MRC1: variants seen among roughly 807,000 people sequenced by gnomAD.
MRC1 encodes the protein mannose receptor C-type 1.
Under a neutral mutation model 102.9 loss-of-function variants are expected in MRC1, and 62 were observed. That is an observed-to-expected ratio of 0.60 (90% CI 0.49 to 0.74). MRC1 has a LOEUF of 0.74. Ranked by LOEUF, MRC1 falls within the 30% of genes least tolerant of loss-of-function variation. MRC1 has a pLI of 0.00. For missense variants in MRC1, 1,237 were observed against 862.8 expected (o/e 1.43, Z -5.43); for synonymous variants, 457 against 298.4 (o/e 1.53, Z -5.48).
chr10:17,885,542 C>G (rs1220323532), intron 22 of MRC1, 107 bp downstream of exon 22: 2 of 710,540 alleles, frequency 2.8e-6, no homozygotes, highest in African/African-American at 3.5e-5. Context: ...ACTCCTTGAT[C>G]TGTTCTATGC....
chr10:17,817,327 A>C (rs1838328966), intron 1 of MRC1, among the ~76,000 whole-genome samples: 1 of 151,646 alleles, frequency 6.6e-6, no homozygotes, highest in African/African-American at 2.4e-5. Context: ...TTAACCTGAG[A>C]TATTGGGTTG....
chr10:17,867,322 T>G (rs1282964963), intron 12 of MRC1, among the ~76,000 whole-genome samples: 3 of 144,996 alleles, frequency 2.1e-5, no homozygotes, highest in Non-Finnish European at 4.5e-5. Context: ...CCTCCTTCCT[T>G]CTTCTTCTTC....
intron 14 of MRC1, among the ~76,000 whole-genome samples, chr10:17,871,479 T>C (rs1357971336): frequency 6.6e-6 from 1 of 152,244 alleles, no homozygotes; most frequent in East Asian, 1.9e-4. Flanking sequence ...CCTCCGTTTG[T>C]TTCTACTGTT....
At chr10:17,875,288 GT>G in intron 17 of MRC1, 35 bp downstream of exon 17, 3 of 778,330 alleles carry the variant, frequency 3.9e-6, no homozygotes, top group South Asian at 1.4e-5. Flanking sequence ...AATTTTAATA[GT>G]TTTTGGGGAA....
Position 17,902,040 on chromosome 10 carries a change from T to C in MRC1, c.3717T>C (p.Ile1239=). 1 of 780,816 alleles carries C rather than the reference T, an allele frequency of 1.3e-6. No homozygotes were observed. 48.4% of individuals were successfully genotyped at this position (780,816 alleles called of 1,614,324 possible). A position where few individuals can be genotyped will look rare whatever the true frequency, so the allele number is the denominator to read the frequency against. Residue 1239 remains isoleucine (I), a synonymous_variant, in exon 26 of 30, where the codon ATT becomes ATC. Transcript: ENST00000569591. ...RCPESDHTAW[I]PFHGHCYYIE... is the part of the protein sequence containing the mutation. The stretch of plus-strand genomic sequence containing the variant: ...CGGAGTCAGATCACACAGCATGGAT[T>C]CCTTTCCATGGTCACTGTTACTATA...
At chr10:17,897,437 T>C (rs1348270955) in intron 23 of MRC1, among the ~76,000 whole-genome samples, 1 of 152,108 alleles carries the variant, frequency 6.6e-6, no homozygotes, top group Non-Finnish European at 1.5e-5. Flanking sequence ...GCTTTACCCA[T>C]AGGCGAAGGG....
chr10:17,882,045 A>G (rs1833528284), intron 21 of MRC1, among the ~76,000 whole-genome samples: 1 of 151,982 alleles, frequency 6.6e-6, no homozygotes, highest in African/African-American at 2.4e-5. Context: ...AGCAGATGGT[A>G]AAATTCATGA....
At chr10:17,834,693 C>T (rs1838636174) in intron 4 of MRC1, among the ~76,000 whole-genome samples, 1 of 152,130 alleles carries the variant, frequency 6.6e-6, no homozygotes, top group African/African-American at 2.4e-5. Context: ...GGATTACAGG[C>T]GTGAGCCACC....
chr10:17,878,759 T>G (rs1309081895), intron 18 of MRC1, among the ~76,000 whole-genome samples: 4 of 151,964 alleles, frequency 2.6e-5, no homozygotes, highest in African/African-American at 9.7e-5. Flanking sequence ...AAATCCTGGG[T>G]TCAAGCAATC....
At chr10:17,881,664 A>C (rs1833519091) in intron 21 of MRC1, among the ~76,000 whole-genome samples, 1 of 116,730 alleles carries the variant, frequency 8.6e-6, no homozygotes, top group Non-Finnish European at 1.7e-5. Flanking sequence ...CTTTGAACAA[A>C]TTTTGATTTT....
chr10:17,809,458 C>G lies in MRC1; in HGVS notation c.-8C>G, dbSNP rs2130561903. On this transcript the variant is annotated 5_prime_UTR_variant, in exon 1 of 30. Transcript: ENST00000569591. The stretch of plus-strand genomic sequence containing the variant: ...CCATCAGGAGAAGGAAAGGATAAAC[C>G]CTGGGCCATGAGGCTACCCCTGCTC... 2 of 872,678 alleles carry G rather than the reference C, an allele frequency of 2.3e-6. No homozygotes were observed. Among genetic ancestry groups the G allele is most frequent in the Non-Finnish European group, 4.0e-6 (2 of 501,492 alleles). 54.1% of individuals were successfully genotyped at this position (872,678 alleles called of 1,614,324 possible). A position where few individuals can be genotyped will look rare whatever the true frequency, so the allele number is the denominator to read the frequency against.
chr10:17,834,310 A>G (rs987627355), intron 4 of MRC1, among the ~76,000 whole-genome samples: 6 of 152,192 alleles, frequency 3.9e-5, no homozygotes, highest in African/African-American at 1.2e-4. Flanking sequence ...GAGTTCTTTT[A>G]GCCTCCTGTC....
At chr10:17,857,025 G>C (rs2130654063) in intron 9 of MRC1, among the ~76,000 whole-genome samples, 1 of 152,100 alleles carries the variant, frequency 6.6e-6, no homozygotes, top group South Asian at 2.1e-4. Flanking sequence ...CATTTTCTTT[G>C]AATAAAAATG....
intron 21 of MRC1, 66 bp from the exon 22 acceptor site, chr10:17,885,203 A>G: frequency 1.3e-6 from 1 of 778,178 alleles, no homozygotes; most frequent in Non-Finnish European, 2.4e-6. Context: ...ATATATTTTG[A>G]ATATTTTCCA....
chr10:17,854,013 G>C (rs1231431994), intron 8 of MRC1, among the ~76,000 whole-genome samples: 1 of 152,090 alleles, frequency 6.6e-6, no homozygotes, highest in East Asian at 1.9e-4. Flanking sequence ...TGTCACCCAG[G>C]CTGCAGTGCA....
chr10:17,861,355 C>G, intron 9 of MRC1, 32 bp from the exon 10 acceptor site: 1 of 840,416 alleles, frequency 1.2e-6, no homozygotes, highest in Non-Finnish European at 2.1e-6. Flanking sequence ...ATGAACTCTG[C>G]TCATTTATTC....
chr10:17,870,321 TTAGC>T lies in MRC1; in HGVS notation c.2064_2067del (p.Asn691ThrfsTer11). 2 of 780,534 alleles carry T rather than the reference TTAGC, an allele frequency of 2.6e-6. No homozygotes were observed. The highest frequency in any genetic ancestry group is 4.8e-6 in the Non-Finnish European group (2 of 417,726). 48.4% of individuals were successfully genotyped at this position (780,534 alleles called of 1,614,324 possible). ...TTTTTGTCGAGCTCTGGGTGGAGAC[TTAGC>T]TAGCATCAATAACAAAGAGGAACAG... On this transcript the variant is annotated frameshift_variant, in exon 13 of 30. Transcript: ENST00000569591. LOFTEE classifies it high-confidence loss of function.
At chr10:17,882,930 G>A (rs1833539281) in intron 21 of MRC1, among the ~76,000 whole-genome samples, 2 of 152,178 alleles carry the variant, frequency 1.3e-5, no homozygotes, top group Admixed American at 1.3e-4. Context: ...TGTGCAGAAG[G>A]AAACAATTTG....
intron 14 of MRC1, among the ~76,000 whole-genome samples, chr10:17,871,347 T>C (rs1426616921): frequency 8.5e-5 from 13 of 152,196 alleles, no homozygotes; most frequent in Non-Finnish European, 1.9e-4. Context: ...GTTTATTTGA[T>C]GGCTTCATTG....
Sources: allele counts gnomAD v4.1 joint callset (sites outside exome capture counted in the v4.1 genomes callset), GRCh38; gene constraint gnomAD v4.1.1; transcripts MANE v1.5; gene names NCBI Gene and HGNC (gene_info 2026-07-23, HGNC 2026-07-21).